The following SOX6 variants were observed in gnomAD, a reference collection of about 807,000 sequenced individuals.
SOX6 encodes transcription factor SOX-6.
A neutral mutation model predicts 97.8 loss-of-function variants in SOX6; 11 were observed. The observed-to-expected ratio is 0.11, with a 90% CI of 0.07 to 0.19. SOX6 has a LOEUF of 0.19. SOX6 is among the 10% of genes least tolerant of loss of function. The pLI is 1.00. For synonymous variants in SOX6, 360 were observed against 371.4 expected, an observed-to-expected ratio of 0.97 and a Z score of 0.35; for missense variants, 810 against 1,039.5, an observed-to-expected ratio of 0.78 and a Z score of 3.04.
intron 3 of SOX6, among the ~76,000 whole-genome samples, chr11:16,662,493 C>A (rs1847773292): frequency 6.6e-6 from 1 of 151,892 alleles, no homozygotes; most frequent in South Asian, 2.1e-4. Flanking sequence ...ATACAAATAT[C>A]CTTAACAAAA....
Position 16,324,530 on chromosome 11 carries a change from G to A in SOX6, c.238-5877C>T, listed in dbSNP as rs573537483. 6.6e-5 allele frequency among the ~76,000 whole-genome samples: 10 copies of A among 152,200 alleles called. 1 individual carries two copies. Among genetic ancestry groups the A allele is most frequent in the African/African-American group, 2.4e-4 (10 of 41,544 alleles). On this transcript the variant is annotated intron_variant, in intron 2 of 15. Coordinates refer to ENST00000683767, the MANE Select transcript of SOX6 (RefSeq NM_001367873.1). ...AATGAAATGTGGGAATATTCATAAT[G>A]TATTGTTAGTTCAAAGTATATTAAT...
At chr11:16,359,204 A>T (rs907124372), upstream of SOX6, among the ~76,000 whole-genome samples, 1 of 148,372 alleles carries the variant, frequency 6.7e-6, no homozygotes, top group African/African-American at 2.5e-5. Context: ...TGGTGGAACT[A>T]AAAAAAAAAA....
At chr11:16,702,665 CCT>C (rs924454374) in intron 3 of SOX6, among the ~76,000 whole-genome samples, 1 of 151,994 alleles carries the variant, frequency 6.6e-6, no homozygotes, top group Non-Finnish European at 1.5e-5. Context: ...CCATTAGTAT[CCT>C]CTCATTCCCT....
intron 1 of SOX6, among the ~76,000 whole-genome samples, chr11:16,466,144 A>C (rs1590214079): frequency 6.6e-6 from 1 of 152,366 alleles, no homozygotes; most frequent in Admixed American, 6.5e-5. Flanking sequence ...ATAAATATGT[A>C]AGTCATACTC....
intron 1 of SOX6, among the ~76,000 whole-genome samples, chr11:16,459,245 A>G (rs1032892378): frequency 6.6e-6 from 1 of 152,094 alleles, no homozygotes; most frequent in Non-Finnish European, 1.5e-5. Flanking sequence ...ACTAAAGGCC[A>G]TCCTGGTTCC....
intron 4 of SOX6, among the ~76,000 whole-genome samples, chr11:16,193,916 T>G (rs1851699910): frequency 6.6e-6 from 1 of 152,208 alleles, no homozygotes. Flanking sequence ...ATCTTTACAC[T>G]GCAGCCTCCT....
intron 12 of SOX6, among the ~76,000 whole-genome samples, chr11:16,030,733 G>A (rs151142248): frequency 7.7e-4 from 117 of 152,128 alleles, no homozygotes; most frequent in Middle Eastern, 6.8e-3. Flanking sequence ...TGGTACAACC[G>A]ACCTGATTTG....
At chr11:16,564,358 G>T (rs1376088989) in intron 4 of SOX6, among the ~76,000 whole-genome samples, 1 of 152,088 alleles carries the variant, frequency 6.6e-6, no homozygotes, top group Non-Finnish European at 1.5e-5. Context: ...GGGAGGTAAG[G>T]TTCTTACACT....
At chr11:16,334,892 C>T (rs373255692) in intron 2 of SOX6, among the ~76,000 whole-genome samples, 4 of 152,132 alleles carry the variant, frequency 2.6e-5, no homozygotes, top group South Asian at 4.2e-4. Context: ...ACCAGTAACC[C>T]TTTGTTTAAT....
At chr11:16,646,180 C>A (rs1398622298) in intron 3 of SOX6, 1 of 152,114 alleles carries the variant, frequency 6.6e-6, no homozygotes, top group Non-Finnish European at 1.5e-5. Context: ...ACAAATCACA[C>A]AAACATATTT....
chr11:16,359,960 A>G (rs1053733512), upstream of SOX6, among the ~76,000 whole-genome samples: 4 of 152,204 alleles, frequency 2.6e-5, no homozygotes, highest in Non-Finnish European at 4.4e-5. Context: ...TAATTTGACT[A>G]TGGTTACAAA....
chr11:16,095,992 A>G lies in SOX6; in HGVS notation c.1101+4T>C, dbSNP rs1564951733. ...CAATGAAGCATCAATGGAAGCATTCATACCTCAATCTGTTTGTGGTTGTAA... is the reference window on the plus strand; with the variant it reads ...CAATGAAGCATCAATGGAAGCATTCGTACCTCAATCTGTTTGTGGTTGTAA... On this transcript the variant is annotated splice_donor_region_variant and intron_variant, in intron 9 of 15. Coordinates refer to ENST00000683767, the MANE Select transcript of SOX6 (RefSeq NM_001367873.1). The G allele has an allele frequency of 2.5e-6, 4 of 1,611,304 alleles. No individual in the cohort carries two copies. The highest frequency in any genetic ancestry group is 3.3e-5 in the Admixed American group (2 of 59,758).
At chr11:16,080,851 A>C (rs183540854) in intron 9 of SOX6, among the ~76,000 whole-genome samples, 630 of 152,264 alleles carry the variant, frequency 4.1e-3, no homozygotes, top group Middle Eastern at 0.031. Context: ...GAAGCCCCAG[A>C]AAGAGGCCCT....
rs190435392 is a variant in SOX6 at position 16,713,372 on chromosome 11, T to C, written n.429+1458A>G. ...AGAATATAGACAAAATAGTCCTCTA[T>C]TTTACATTACATAAATAATTTACTT... On this transcript the variant is annotated intron_variant and non_coding_transcript_variant, in intron 3 of 5. Coordinates refer to the SOX6 transcript ENST00000524520. 6.4e-3 allele frequency among the ~76,000 whole-genome samples: 941 copies of C among 146,014 alleles called. 13 individuals carry two copies. The highest frequency in any genetic ancestry group is 0.021 in the African/African-American group (854 of 41,326).
chr11:16,097,135 C>T (rs1027678406), intron 8 of SOX6, among the ~76,000 whole-genome samples: 1 of 151,772 alleles, frequency 6.6e-6, no homozygotes, highest in African/African-American at 2.4e-5. Context: ...GGTGAGGACA[C>T]ATATATTAAG....
intron 3 of SOX6, among the ~76,000 whole-genome samples, chr11:16,669,952 C>T (rs1276443032): frequency 6.6e-6 from 1 of 152,164 alleles, no homozygotes. Context: ...AACCCTCAAA[C>T]TAGGAAGGAA....
chr11:16,501,259 G>A (rs1860701846), intron 4 of SOX6, among the ~76,000 whole-genome samples: 1 of 152,174 alleles, frequency 6.6e-6, no homozygotes, highest in South Asian at 2.1e-4. Flanking sequence ...CTAGCCATAT[G>A]TAGAAAGCTT....
intron 4 of SOX6, among the ~76,000 whole-genome samples, chr11:16,212,657 T>C (rs909594501): frequency 6.6e-6 from 1 of 152,188 alleles, no homozygotes; most frequent in African/African-American, 2.4e-5. Flanking sequence ...CTTTGCTAGA[T>C]ATAGCTAAAC....
chr11:16,011,043 T>A (rs1403063325), intron 13 of SOX6, among the ~76,000 whole-genome samples: 1 of 152,044 alleles, frequency 6.6e-6, no homozygotes, highest in Non-Finnish European at 1.5e-5. Flanking sequence ...CAAAGGAACT[T>A]CAACTCAAAT....
Sources: allele counts gnomAD v4.1 joint callset (sites outside exome capture counted in the v4.1 genomes callset), GRCh38; gene constraint gnomAD v4.1.1; transcripts MANE v1.5; gene names NCBI Gene and HGNC (gene_info 2026-07-23, HGNC 2026-07-21).